Variants in LPP observed in about 807,000 individuals in gnomAD.
LPP encodes LIM domain containing preferred translocation partner in lipoma.
LPP carries 38 observed loss-of-function variants against 60.4 expected under a neutral mutation model. The ratio of observed to expected loss-of-function variants is 0.63; its 90% CI spans 0.49 to 0.83. The LOEUF (loss-of-function observed/expected upper bound fraction) is 0.83. LPP is among the 40% of genes least tolerant of loss of function. The pLI is 0.00. For missense variants in LPP, 902 were observed against 783.6 expected, an observed-to-expected ratio of 1.15 and a Z score of -1.80; for synonymous variants, 328 against 290.8, an observed-to-expected ratio of 1.13 and a Z score of -1.30.
intron 7 of LPP, among the ~76,000 whole-genome samples, chr3:188,670,262 AT>A (rs920083790): frequency 2.0e-5 from 3 of 152,348 alleles, no homozygotes; most frequent in East Asian, 1.9e-4. Flanking sequence ...TAATAAAAAA[AT>A]AAATTAATTA....
Position 188,774,062 on chromosome 3 carries a change from G to A in LPP, c.1410+13780G>A, listed in dbSNP as rs151187997. On this transcript the variant is annotated intron_variant, in intron 9 of 11. Transcript: ENST00000617246. ...AAAACCAGGGGGTTTGGAAAATAAG[G>A]AATTTGTGTAGGATTAAAATAGAAC... Among the ~76,000 whole-genome samples the A allele has an allele frequency of 7.2e-4, 110 of 152,254 alleles. 1 individual carries two copies. Among genetic ancestry groups the A allele is most frequent in the African/African-American group, 2.5e-3 (103 of 41,550 alleles).
chr3:188,459,991 T>C (rs919477332), intron 4 of LPP, among the ~76,000 whole-genome samples: 2 of 152,200 alleles, frequency 1.3e-5, no homozygotes, highest in African/African-American at 4.8e-5. Context: ...GAAGACATGG[T>C]TGACAATTTC....
chr3:188,749,233 A>C (rs1189464883), intron 8 of LPP, among the ~76,000 whole-genome samples: 10 of 152,298 alleles, frequency 6.6e-5, no homozygotes. Context: ...CTGATACTTG[A>C]GGTAGGGCAC....
At chr3:188,820,415 C>A (rs2151437689) in intron 9 of LPP, among the ~76,000 whole-genome samples, 1 of 152,126 alleles carries the variant, frequency 6.6e-6, no homozygotes, top group South Asian at 2.1e-4. Context: ...CACTAAAAAA[C>A]AAAAAGTGTG....
chr3:188,560,257 G>C (rs1338655427), intron 6 of LPP, among the ~76,000 whole-genome samples: 1 of 152,016 alleles, frequency 6.6e-6, no homozygotes, highest in East Asian at 1.9e-4. Flanking sequence ...CTTCTTCACT[G>C]GTTTATCTCT....
At chr3:188,423,402 A>T (rs1788401197) in intron 4 of LPP, among the ~76,000 whole-genome samples, 1 of 152,218 alleles carries the variant, frequency 6.6e-6, no homozygotes, top group Admixed American at 6.5e-5. Context: ...GCTGCAATAA[A>T]TATACGTGTA....
chr3:188,238,887 A>G (rs1043683905), intron 2 of LPP, among the ~76,000 whole-genome samples: 6 of 152,292 alleles, frequency 3.9e-5, no homozygotes, highest in African/African-American at 1.2e-4. Context: ...CAAATCTTCT[A>G]TTTGTAAAAA....
intron 1 of LPP, among the ~76,000 whole-genome samples, chr3:188,187,652 A>C (rs1405599604): frequency 6.6e-6 from 1 of 151,994 alleles, no homozygotes; most frequent in Admixed American, 6.6e-5. Flanking sequence ...TGGTTTCTCC[A>C]TATCTGGGCT....
chr3:188,785,928 A>T (rs1741712203), intron 9 of LPP, among the ~76,000 whole-genome samples: 1 of 151,886 alleles, frequency 6.6e-6, no homozygotes. Flanking sequence ...TCACCCTCAT[A>T]TCCTCCCAAG....
chr3:188,578,162 A>G (rs1205186463), intron 6 of LPP, among the ~76,000 whole-genome samples: 1 of 152,006 alleles, frequency 6.6e-6, no homozygotes, highest in East Asian at 1.9e-4. Flanking sequence ...GAGAGCATTT[A>G]CACATAAGAC....
intron 6 of LPP, among the ~76,000 whole-genome samples, chr3:188,556,515 C>A (rs777734932): frequency 6.6e-6 from 1 of 151,984 alleles, no homozygotes; most frequent in Non-Finnish European, 1.5e-5. Flanking sequence ...TAAAATTACA[C>A]CTGACTTATA....
chr3:188,203,531 ATATT>A (rs1732046866), intron 1 of LPP, among the ~76,000 whole-genome samples: 2 of 89,002 alleles, frequency 2.2e-5, no homozygotes. Context: ...ATATAAATAT[ATATT>A]TAAATATATA....
At chr3:188,469,985 T>G (rs2149513253) in intron 4 of LPP, among the ~76,000 whole-genome samples, 2 of 152,210 alleles carry the variant, frequency 1.3e-5, no homozygotes, top group South Asian at 4.1e-4. Context: ...ATTTTTAAAT[T>G]TAAATACTTT....
intron 5 of LPP, among the ~76,000 whole-genome samples, chr3:188,516,734 C>T (rs900359372): frequency 7.2e-5 from 11 of 151,872 alleles, no homozygotes; most frequent in East Asian, 5.9e-4. Flanking sequence ...CCCATACCAG[C>T]GCCATCACTA....
chr3:188,669,800 A>T (rs1370974663), intron 7 of LPP, among the ~76,000 whole-genome samples: 2 of 152,224 alleles, frequency 1.3e-5, no homozygotes, highest in African/African-American at 4.8e-5. Context: ...AGACACATGC[A>T]GACGTATGTT....
chr3:188,818,984 ATTTGT>A (rs1753211843), intron 9 of LPP, among the ~76,000 whole-genome samples: 1 of 149,542 alleles, frequency 6.7e-6, no homozygotes, highest in Non-Finnish European at 1.5e-5. Context: ...TAATTGAATG[ATTTGT>A]TTACCTTTCT....
At chr3:188,251,261 C>G (rs1223504559) in intron 2 of LPP, among the ~76,000 whole-genome samples, 11 of 151,418 alleles carry the variant, frequency 7.3e-5, no homozygotes, top group Admixed American at 7.3e-4. Flanking sequence ...CTCCTGTGTC[C>G]TTGAGACATG....
At chr3:188,339,702 G>C (rs1378060932) in intron 2 of LPP, among the ~76,000 whole-genome samples, 3 of 152,056 alleles carry the variant, frequency 2.0e-5, no homozygotes, top group African/African-American at 7.2e-5. Context: ...ACTTCTACCT[G>C]GTATCACCCT....
chr3:188,443,007 A>G (rs538284226), intron 4 of LPP, among the ~76,000 whole-genome samples: 1 of 152,324 alleles, frequency 6.6e-6, no homozygotes, highest in Admixed American at 6.5e-5. Context: ...GCATTCTGAG[A>G]CACACAAATT....
Sources: gnomAD v4.1 joint callset for allele counts (sites outside exome capture counted in the v4.1 genomes callset) on GRCh38, gnomAD v4.1.1 for gene constraint, MANE v1.5 for transcripts, NCBI Gene and HGNC (gene_info 2026-07-23, HGNC 2026-07-21) for gene names.